Variants in MYO1H observed in about 807,000 individuals in gnomAD.
MYO1H encodes the protein myosin IH, also known as unconventional myosin-Ih.
Under a neutral mutation model 149.3 loss-of-function variants are expected in MYO1H, and 118 were observed. That is an observed-to-expected ratio of 0.79 (90% CI 0.68 to 0.92). The LOEUF (loss-of-function observed/expected upper bound fraction) is 0.92. MYO1H is among the 40% of genes least tolerant of loss of function. MYO1H has a pLI of 0.00. For synonymous variants in MYO1H, 447 were observed against 465.2 expected (o/e 0.96, Z 0.50); for missense variants, 1,212 against 1,280.7 (o/e 0.95, Z 0.82).
chr12:109,437,224 AC>A (rs1871898102), intron 22 of MYO1H, among the ~76,000 whole-genome samples: 1 of 152,184 alleles, frequency 6.6e-6, no homozygotes, highest in African/African-American at 2.4e-5. Context: ...CCACACGCAT[AC>A]ATTTCTTGAG....
At chr12:109,433,925 T>G in intron 20 of MYO1H, among the ~76,000 whole-genome samples, 1 of 152,162 alleles carries the variant, frequency 6.6e-6, no homozygotes, top group Admixed American at 6.5e-5. Context: ...GTGGCTGCCC[T>G]GGGAACTTTC....
At chr12:109,368,364 G>C (rs907443920) in intron 1 of MYO1H, among the ~76,000 whole-genome samples, 2 of 152,088 alleles carry the variant, frequency 1.3e-5, no homozygotes, top group African/African-American at 4.8e-5. Context: ...TCATTAAAAA[G>C]AATAAGATAG....
At chr12:109,373,332 C>T (rs532696467) in intron 1 of MYO1H, among the ~76,000 whole-genome samples, 1 of 151,914 alleles carries the variant, frequency 6.6e-6, no homozygotes, top group Non-Finnish European at 1.5e-5. Flanking sequence ...TGAGACATAG[C>T]TGTATTTTTA....
chr12:109,412,421 G>A (rs1394054860), intron 14 of MYO1H, among the ~76,000 whole-genome samples: 1 of 152,168 alleles, frequency 6.6e-6, no homozygotes, highest in Non-Finnish European at 1.5e-5. Context: ...GCCTCCCAAA[G>A]TGCTGGGATT....
At chr12:109,365,088 T>C (rs1323812201) in intron 1 of MYO1H, among the ~76,000 whole-genome samples, 1 of 151,794 alleles carries the variant, frequency 6.6e-6, no homozygotes, top group East Asian at 1.9e-4. Context: ...CTGGGCAACA[T>C]AGTAAGACAT....
rs568424162 is a variant in MYO1H, at chr12:109,401,237, G to C, written c.715G>C (p.Glu239Gln). ...GGAGCGCCTGTCTTACCTGGGACTC[G>C]AGCGAGACCCCCAGCTGTATAAATA... Residue 239 changes from glutamate (E) to glutamine (Q), a missense_variant, in exon 6 of 32, where the codon GAG becomes CAG. By Grantham distance (29) the Glu-to-Gln change is conservative. Transcript: ENST00000310903. 5.3e-5 allele frequency: 86 copies of C among 1,613,182 alleles called. No homozygotes were observed. In the South Asian group the frequency reaches 7.3e-4, roughly 14 times the overall value.
chr12:109,348,409 G>A (rs1027839767), intron 1 of MYO1H, among the ~76,000 whole-genome samples: 2 of 152,184 alleles, frequency 1.3e-5, no homozygotes, highest in African/African-American at 4.8e-5. Flanking sequence ...AGTGGCTACT[G>A]TGTTAGCATG....
intron 6 of MYO1H, among the ~76,000 whole-genome samples, chr12:109,403,736 A>G (rs1340064466): frequency 2.0e-5 from 3 of 152,262 alleles, no homozygotes; most frequent in Non-Finnish European, 4.4e-5. Context: ...ACAAAAAGAT[A>G]CACCACTTAC....
At chr12:109,387,716 TCA>T (rs1188872159) in intron 1 of MYO1H, among the ~76,000 whole-genome samples, 3 of 152,206 alleles carry the variant, frequency 2.0e-5, no homozygotes, top group Non-Finnish European at 2.9e-5. Context: ...CTCAGTGACC[TCA>T]CAGCTCTGGC....
At chr12:109,416,863 C>T (rs982796697) in intron 15 of MYO1H, among the ~76,000 whole-genome samples, 3 of 152,204 alleles carry the variant, frequency 2.0e-5, no homozygotes, top group East Asian at 1.9e-4. Context: ...CAAAATTAGC[C>T]GGGCGTGGTG....
chr12:109,313,181 A>C, the MYO1H span, among the ~76,000 whole-genome samples: 1 of 152,128 alleles, frequency 6.6e-6, no homozygotes, highest in South Asian at 2.1e-4. Context: ...CTGGAGGTTG[A>C]GGCTGCAGTG....
exon 15 of MYO1H, chr12:109,415,546 A>G: frequency 6.2e-7 from 1 of 1,607,332 alleles, no homozygotes; most frequent in African/African-American, 1.3e-5. Context: ...GCTGGTCCAA[A>G]GGGCCGAAAG....
intron 1 of MYO1H, among the ~76,000 whole-genome samples, chr12:109,369,589 A>G (rs750391567): frequency 9.2e-5 from 14 of 152,234 alleles, no homozygotes; most frequent in Non-Finnish European, 2.1e-4. Context: ...ACATGCATGT[A>G]CATGTGTGCC....
intron 1 of MYO1H, among the ~76,000 whole-genome samples, chr12:109,351,274 T>C (rs1442479076): frequency 6.6e-6 from 1 of 152,204 alleles, no homozygotes; most frequent in African/African-American, 2.4e-5. Flanking sequence ...TGTTTTTATA[T>C]TATTACCGTA....
At chr12:109,346,883 A>G (rs2048104189), upstream of MYO1H, among the ~76,000 whole-genome samples, 1 of 152,232 alleles carries the variant, frequency 6.6e-6, no homozygotes, top group African/African-American at 2.4e-5. Flanking sequence ...AGGATATGTT[A>G]TATTACCTAT....
intron 1 of MYO1H, among the ~76,000 whole-genome samples, chr12:109,385,014 A>C (rs1869273840): frequency 6.6e-6 from 1 of 152,202 alleles, no homozygotes; most frequent in Non-Finnish European, 1.5e-5. Context: ...AAAAGCAAGC[A>C]CTCACTAAAT....
At chr12:109,361,813 C>CAG (rs1868758218) in intron 1 of MYO1H, among the ~76,000 whole-genome samples, 1 of 56,826 alleles carries the variant, frequency 1.8e-5, no homozygotes, top group African/African-American at 6.8e-5. Context: ...CCTTGTCTCA[C>CAG]AAAAAAAAAA....
intron 11 of MYO1H, 22 bp from the exon 12 acceptor site, chr12:109,409,933 TTTAGTTAC>T (rs1359049859): frequency 5.5e-6 from 7 of 1,276,662 alleles, no homozygotes; most frequent in Non-Finnish European, 7.5e-6. Flanking sequence ...TTCATATAAC[TTTAGTTAC>T]TTAAATCTTT....
At chr12:109,344,494 T>A (rs1290623766), upstream of MYO1H, among the ~76,000 whole-genome samples, 1 of 152,166 alleles carries the variant, frequency 6.6e-6, no homozygotes, top group African/African-American at 2.4e-5. Context: ...AAGACCTAAA[T>A]AAATGGAAAG....
Sources: gnomAD v4.1 joint callset for allele counts (sites outside exome capture counted in the v4.1 genomes callset) on GRCh38, gnomAD v4.1.1 for gene constraint, MANE v1.5 for transcripts, NCBI Gene and HGNC (gene_info 2026-07-23, HGNC 2026-07-21) for gene names.